The following TAOK1 variants were observed in gnomAD, a reference collection of about 807,000 sequenced individuals.
The protein encoded by TAOK1 is serine/threonine-protein kinase TAO1.
Under a neutral mutation model 138.3 loss-of-function variants are expected in TAOK1, and 21 were observed. That is an observed-to-expected ratio of 0.15 (90% CI 0.11 to 0.22). TAOK1 has a LOEUF of 0.22. Ranked by LOEUF, TAOK1 falls within the 10% of genes least tolerant of loss-of-function variation. The pLI is 1.00. For synonymous variants in TAOK1, 361 were observed against 398.4 expected (o/e 0.91, Z 1.12); for missense variants, 651 against 1,227.7 (o/e 0.53, Z 7.02).
chr17:29,526,914 G>A (rs1400283810), intron 17 of TAOK1, among the ~76,000 whole-genome samples: 3 of 150,588 alleles, frequency 2.0e-5, no homozygotes, highest in African/African-American at 7.3e-5. Context: ...AGATCACAAG[G>A]TCAGGAGATT....
At chr17:29,503,240 C>T (rs1043556356) in intron 13 of TAOK1, among the ~76,000 whole-genome samples, 1 of 151,688 alleles carries the variant, frequency 6.6e-6, no homozygotes, top group Non-Finnish European at 1.5e-5. Context: ...ACTAAAAATA[C>T]GAAAAATTAG....
chr17:29,426,171 C>T lies in TAOK1; in HGVS notation c.-94-25284C>T, dbSNP rs1043205735. 1.2e-4 allele frequency among the ~76,000 whole-genome samples: 19 copies of T among 152,204 alleles called. 1 individual carries two copies. The East Asian group carries it at 1.4e-3, about 11-fold the overall frequency. On this transcript the variant is annotated intron_variant, in intron 1 of 19. Transcript: ENST00000261716. ...CTGGGATTACAGGCGTGAGCCACCG[C>T]ACCCGGCCAAGAATGAATCAGTTTG...
chr17:29,415,436 T>C (rs1413030725), intron 1 of TAOK1, among the ~76,000 whole-genome samples: 1 of 152,226 alleles, frequency 6.6e-6, no homozygotes, highest in Non-Finnish European at 1.5e-5. Context: ...TTTCCATAGT[T>C]GCTGAACCAT....
Position 29,543,162 on chromosome 17 carries a change from A to C in TAOK1, c.*140A>C. Reference sequence around the variant, plus strand: ...ATGGTATATTTTATTCATTTTTGTAAAGCGTTCTGTTTTGTGTTTACTAAT... The same window carrying C: ...ATGGTATATTTTATTCATTTTTGTACAGCGTTCTGTTTTGTGTTTACTAAT... On this transcript the variant is annotated 3_prime_UTR_variant, in exon 20 of 20. Coordinates refer to ENST00000261716, the MANE Select transcript of TAOK1 (RefSeq NM_020791.4). 3.9e-6 allele frequency: 3 copies of C among 761,352 alleles called. No individual in the cohort carries two copies. The highest frequency in any genetic ancestry group is 6.1e-6 in the Non-Finnish European group (3 of 494,518). 47.2% of individuals were successfully genotyped at this position (761,352 alleles called of 1,614,324 possible). A position where few individuals can be genotyped will look rare whatever the true frequency, so the allele number is the denominator to read the frequency against.
chr17:29,451,951 C>T (rs1046881949), intron 2 of TAOK1, among the ~76,000 whole-genome samples: 4 of 152,108 alleles, frequency 2.6e-5, no homozygotes, highest in Admixed American at 2.0e-4. Context: ...CTTGGTGGCT[C>T]ACGCCTGTAA....
chr17:29,498,526 G>GT lies in TAOK1; in HGVS notation c.1203+6dup. The GT allele has an allele frequency of 1.2e-6, 2 of 1,613,348 alleles. No homozygotes were observed. The highest frequency in any genetic ancestry group is 1.7e-6 in the Non-Finnish European group (2 of 1,179,320). ...TCTGTTATCCATTTAAAACCAGTGA[G>GT]TATTTGGATTTCAATGAAAGAAATT... On this transcript the variant is annotated splice_donor_region_variant and intron_variant, in intron 12 of 19. Transcript: ENST00000261716.
chr17:29,458,212 A>G (rs1211191006), intron 2 of TAOK1, among the ~76,000 whole-genome samples: 2 of 152,186 alleles, frequency 1.3e-5, no homozygotes, highest in Admixed American at 6.5e-5. Context: ...GTTTCTGGCT[A>G]TTATGAATAA....
chr17:29,403,592 A>G (rs530397274), intron 1 of TAOK1: 1 of 152,342 alleles, frequency 6.6e-6, no homozygotes, highest in South Asian at 2.1e-4. Flanking sequence ...ATGATGTTTT[A>G]TAGGGCTCAT....
intron 2 of TAOK1, among the ~76,000 whole-genome samples, chr17:29,458,417 C>G (rs2030446047): frequency 1.3e-5 from 2 of 152,212 alleles, no homozygotes; most frequent in African/African-American, 4.8e-5. Flanking sequence ...TCTTTATCGT[C>G]TCCAACATTT....
chr17:29,465,737 T>C (rs757803627), intron 2 of TAOK1, among the ~76,000 whole-genome samples: 7 of 151,828 alleles, frequency 4.6e-5, no homozygotes, highest in Non-Finnish European at 1.0e-4. Context: ...TTTAAATATT[T>C]CACAGCTATT....
At chr17:29,524,719 G>A (rs1033205947) in intron 17 of TAOK1, among the ~76,000 whole-genome samples, 1 of 152,096 alleles carries the variant, frequency 6.6e-6, no homozygotes, top group Admixed American at 6.6e-5. Flanking sequence ...TCCTTTAGTA[G>A]CGGAGGCAGA....
rs577377275 is a variant in TAOK1, at chr17:29,533,562, A to C, written c.2362-556A>C. ...CCAGCCTGGGCACCATTGAGCACTG[A>C]GTGAACGAGACTCCGTCTGCAATCC... On this transcript the variant is annotated intron_variant, in intron 18 of 19. Transcript: ENST00000261716. 1.1e-3 allele frequency among the ~76,000 whole-genome samples: 174 copies of C among 152,116 alleles called. 1 individual carries two copies. Among genetic ancestry groups the C allele is most frequent in the African/African-American group, 3.8e-3 (158 of 41,522 alleles).
In TAOK1 at chr17:29,551,535, C is replaced by CA. The variant is rs1422576405; in HGVS notation, c.*8514dup. ...TTGTCCTCTCGATTTTTGGACCAAA[C>CA]AGACGCTCACAGTGGAGGCTTATCA... On this transcript the variant is annotated 3_prime_UTR_variant, in exon 20 of 20. Coordinates refer to ENST00000261716, the MANE Select transcript of TAOK1 (RefSeq NM_020791.4). 2 of 152,580 alleles carry CA rather than the reference C, an allele frequency of 1.3e-5. No individual in the cohort carries two copies. Among genetic ancestry groups the CA allele is most frequent in the African/African-American group, 4.8e-5 (2 of 41,430 alleles). 9.5% of individuals were successfully genotyped at this position (152,580 alleles called of 1,614,324 possible).
At chr17:29,433,215 G>A (rs994597786) in intron 1 of TAOK1, among the ~76,000 whole-genome samples, 11 of 152,004 alleles carry the variant, frequency 7.2e-5, no homozygotes, top group Admixed American at 3.9e-4. Context: ...GGTGGATTAC[G>A]AGGTCAGGAG....
intron 16 of TAOK1, among the ~76,000 whole-genome samples, chr17:29,521,803 C>T (rs1206977068): frequency 3.9e-5 from 6 of 152,198 alleles, no homozygotes; most frequent in African/African-American, 1.4e-4. Flanking sequence ...AGGATGGTCT[C>T]GATCTCCTGA....
intron 1 of TAOK1, among the ~76,000 whole-genome samples, chr17:29,407,041 G>T (rs1169268742): frequency 1.3e-5 from 2 of 152,068 alleles, no homozygotes; most frequent in South Asian, 2.1e-4. Context: ...TAGATACAGG[G>T]TCTTGCTCTT....
rs1301875785 is a variant in TAOK1, at chr17:29,517,445, G to A, written c.1705-8G>A. 6.2e-7 allele frequency: 1 copy of A among 1,611,550 alleles called. No individual in the cohort carries two copies. The highest frequency in any genetic ancestry group is 1.7e-5 in the Admixed American group (1 of 59,410). ...TATTTTTACCTGAGTTGTTTTTTATGTTGCCAGGAGCTAAATGAAAACCAG... is the reference window on the plus strand; with the variant it reads ...TATTTTTACCTGAGTTGTTTTTTATATTGCCAGGAGCTAAATGAAAACCAG... On this transcript the variant is annotated splice_polypyrimidine_tract_variant and splice_region_variant and intron_variant, in intron 15 of 19. Transcript: ENST00000261716.
intron 19 of TAOK1, among the ~76,000 whole-genome samples, chr17:29,541,992 A>G (rs1480163033): frequency 6.6e-6 from 1 of 151,728 alleles, no homozygotes; most frequent in East Asian, 2.0e-4. Flanking sequence ...CTCCTGCCTC[A>G]GCCTCCTGAG....
At chr17:29,465,856 T>TTTC (rs1482257951) in intron 2 of TAOK1, among the ~76,000 whole-genome samples, 2 of 125,836 alleles carry the variant, frequency 1.6e-5, no homozygotes, top group Admixed American at 8.5e-5. Flanking sequence ...TTTTTTTTTT[T>TTTC]TTTTTTTTCA....
Sources: gnomAD v4.1 joint callset for allele counts (sites outside exome capture counted in the v4.1 genomes callset) on GRCh38, gnomAD v4.1.1 for gene constraint, MANE v1.5 for transcripts, NCBI Gene and HGNC (gene_info 2026-07-23, HGNC 2026-07-21) for gene names.